The following DIPK1A variants were observed in gnomAD, a reference collection of about 807,000 sequenced individuals.
DIPK1A encodes the protein divergent protein kinase domain 1A, also known as family with sequence similarity 69 member A.
A neutral mutation model predicts 40.8 loss-of-function variants in DIPK1A; 27 were observed. The ratio of observed to expected loss-of-function variants is 0.66; its 90% CI spans 0.49 to 0.91. The LOEUF is 0.91. DIPK1A is among the 40% of genes least tolerant of loss of function. DIPK1A has a pLI of 0.00. For missense variants in DIPK1A, 412 were observed against 505.7 expected, an observed-to-expected ratio of 0.81 and a Z score of 1.78; for synonymous variants, 166 against 171.3, an observed-to-expected ratio of 0.97 and a Z score of 0.24.
intron 4 of DIPK1A, chr1:92,836,077 A>G (rs1323444978): frequency 1.0e-6 from 1 of 956,108 alleles, no homozygotes; most frequent in Non-Finnish European, 1.7e-6. Context: ...TGGGTGTGGA[A>G]GGAAATTTTC....
At chr1:92,848,978 T>C (rs111631926) in intron 3 of DIPK1A, among the ~76,000 whole-genome samples, 3,197 of 152,332 alleles carry the variant, frequency 0.021, 119 homozygotes, top group African/African-American at 0.072. Flanking sequence ...TTAGATATTC[T>C]ACTGTTTTAT....
chr1:92,907,073 AG>A (rs1367377943), intron 1 of DIPK1A, among the ~76,000 whole-genome samples: 2 of 152,210 alleles, frequency 1.3e-5, no homozygotes, highest in African/African-American at 2.4e-5. Flanking sequence ...TGGAGTCTTA[AG>A]GTATGATTTA....
At chr1:92,915,949 T>C (rs1650037133) in intron 1 of DIPK1A, among the ~76,000 whole-genome samples, 1 of 152,174 alleles carries the variant, frequency 6.6e-6, no homozygotes, top group East Asian at 1.9e-4. Context: ...AAATGAAGTA[T>C]TGATACATGC....
chr1:92,880,869 C>CCAAACAAA (rs112768555), intron 1 of DIPK1A, among the ~76,000 whole-genome samples: 12 of 147,996 alleles, frequency 8.1e-5, no homozygotes, highest in African/African-American at 2.8e-4. Context: ...GACTCCGTCT[C>CCAAACAAA]CAAACAAACA....
intron 1 of DIPK1A, among the ~76,000 whole-genome samples, chr1:92,942,020 A>G (rs1571144648): frequency 6.6e-6 from 1 of 152,116 alleles, no homozygotes; most frequent in East Asian, 1.9e-4. Flanking sequence ...GTGCATCTAC[A>G]GCCCACAGCA....
chr1:92,891,376 T>C lies in DIPK1A; in HGVS notation c.55-14946A>G, dbSNP rs537938241. 2.6e-5 allele frequency among the ~76,000 whole-genome samples: 4 copies of C among 152,272 alleles called. No individual in the cohort carries two copies. In the South Asian group the frequency reaches 6.2e-4, roughly 24 times the overall value. On this transcript the variant is annotated intron_variant, in intron 1 of 4. Coordinates refer to ENST00000370310, the MANE Select transcript of DIPK1A (RefSeq NM_001006605.5). Reference sequence around the variant, plus strand: ...TTCTTGCTTTTCTAGCTCCTTGAGATACATTGTTAATTCATTTATTTAAAA... The same window carrying C: ...TTCTTGCTTTTCTAGCTCCTTGAGACACATTGTTAATTCATTTATTTAAAA...
At chr1:92,853,646 A>G (rs1687893141) in intron 2 of DIPK1A, among the ~76,000 whole-genome samples, 1 of 152,232 alleles carries the variant, frequency 6.6e-6, no homozygotes, top group Non-Finnish European at 1.5e-5. Context: ...TGTGACTTTA[A>G]AAAGTGCTCA....
intron 4 of DIPK1A, among the ~76,000 whole-genome samples, chr1:92,835,973 T>C (rs1687108819): frequency 2.0e-5 from 3 of 152,148 alleles, no homozygotes; most frequent in Admixed American, 6.5e-5. Flanking sequence ...GCAAAAGTCA[T>C]AAAACAAAAT....
chr1:92,862,402 C>T (rs115275972), intron 2 of DIPK1A, among the ~76,000 whole-genome samples: 538 of 152,282 alleles, frequency 3.5e-3, no homozygotes, highest in Non-Finnish European at 5.3e-3. Context: ...AGTGAGTTGT[C>T]CTAAATTTCT....
chr1:92,881,369 A>T (rs1648369506), intron 1 of DIPK1A, among the ~76,000 whole-genome samples: 1 of 147,880 alleles, frequency 6.8e-6, no homozygotes, highest in Admixed American at 6.8e-5. Flanking sequence ...TCTACTGGTC[A>T]GAGTTTTAGC....
rs2100676802 is a variant in DIPK1A, at chr1:92,833,526, AATT to A, written c.475-495_475-493del. On this transcript the variant is annotated intron_variant, in intron 4 of 4. Coordinates refer to the DIPK1A transcript ENST00000615519. Reference sequence around the variant, plus strand: ...AGATGCAGTGGAGTATCCTTTCTACAATTATTTTTTTCTTTCAGAGGGTAAAAC... The same window carrying A: ...AGATGCAGTGGAGTATCCTTTCTACAATTTTTTTCTTTCAGAGGGTAAAAC... 1 of 1,612,578 alleles carries A rather than the reference AATT, an allele frequency of 6.2e-7. No homozygotes were observed. The highest frequency in any genetic ancestry group is 8.5e-7 in the Non-Finnish European group (1 of 1,178,686).
chr1:92,911,858 G>A (rs1347257598), intron 1 of DIPK1A, among the ~76,000 whole-genome samples: 1 of 151,836 alleles, frequency 6.6e-6, no homozygotes, highest in Admixed American at 6.6e-5. Context: ...CAAAAAATTA[G>A]CTGGGTGTGG....
chr1:92,856,591 AT>A (rs1255516190), intron 2 of DIPK1A, among the ~76,000 whole-genome samples: 1 of 151,916 alleles, frequency 6.6e-6, no homozygotes, highest in Non-Finnish European at 1.5e-5. Context: ...GTAATTTTGT[AT>A]TTTTAGTAGA....
intron 1 of DIPK1A, among the ~76,000 whole-genome samples, chr1:92,929,919 AAC>A (rs1571134538): frequency 6.6e-6 from 1 of 152,182 alleles, no homozygotes; most frequent in African/African-American, 2.4e-5. Flanking sequence ...CCATCTTCAA[AAC>A]CAGAGAAGGA....
chr1:92,946,679 CATG>C (rs1651375513), intron 1 of DIPK1A, among the ~76,000 whole-genome samples: 1 of 152,208 alleles, frequency 6.6e-6, no homozygotes, highest in African/African-American at 2.4e-5. Context: ...CCCGATGGCT[CATG>C]CCTGTAGTCC....
At chr1:92,954,986 G>A (rs1651792528) in intron 1 of DIPK1A, among the ~76,000 whole-genome samples, 2 of 152,106 alleles carry the variant, frequency 1.3e-5, no homozygotes, top group Admixed American at 6.5e-5. Context: ...CCCAGACAAC[G>A]AAATATTATT....
At chr1:92,908,806 G>A (rs1451517522) in intron 1 of DIPK1A, among the ~76,000 whole-genome samples, 1 of 152,138 alleles carries the variant, frequency 6.6e-6, no homozygotes, top group African/African-American at 2.4e-5. Context: ...CAAAGGGGCT[G>A]GACTTGGACT....
chr1:92,943,361 A>T (rs530191941), intron 1 of DIPK1A, among the ~76,000 whole-genome samples: 2 of 152,184 alleles, frequency 1.3e-5, no homozygotes. Context: ...GGAATGCTAG[A>T]GGGAATCTAG....
intron 2 of DIPK1A, among the ~76,000 whole-genome samples, chr1:92,861,857 T>TA (rs1647286726): frequency 1.3e-5 from 2 of 151,668 alleles, no homozygotes; most frequent in Admixed American, 1.3e-4. Context: ...TGCCTCACTG[T>TA]AGCCTCGACC....
Sources: allele counts gnomAD v4.1 joint callset (sites outside exome capture counted in the v4.1 genomes callset), GRCh38; gene constraint gnomAD v4.1.1; transcripts MANE v1.5; gene names NCBI Gene and HGNC (gene_info 2026-07-23, HGNC 2026-07-21).